Variants in SSH2 observed in about 807,000 individuals in gnomAD.
SSH2 encodes the protein protein phosphatase Slingshot homolog 2.
SSH2 carries 37 observed loss-of-function variants against 135.2 expected under a neutral mutation model. That is an observed-to-expected ratio of 0.27 (90% CI 0.21 to 0.36). The LOEUF (loss-of-function observed/expected upper bound fraction) is 0.36, where lower values mean the gene tolerates loss of function less well. SSH2 is among the 10% of genes least tolerant of loss of function. SSH2 has a pLI of 1.00. For missense variants in SSH2, 1,408 were observed against 1,765.3 expected (o/e 0.80, Z 3.63); for synonymous variants, 628 against 646.2 (o/e 0.97, Z 0.43).
intron 3 of SSH2, chr17:29,777,677 C>CTGCA (rs1413924763): frequency 6.3e-6 from 1 of 159,338 alleles, no homozygotes; most frequent in Non-Finnish European, 1.4e-5. Context: ...CTGCAAACAG[C>CTGCA]AGCCTCCTTG....
At chr17:29,783,318 T>TTATATATATA (rs372884691) in intron 3 of SSH2, among the ~76,000 whole-genome samples, 10 of 142,124 alleles carry the variant, frequency 7.0e-5, no homozygotes, top group Non-Finnish European at 1.2e-4. Flanking sequence ...ATAACATATA[T>TTATATATATA]TATATATATA....
intron 3 of SSH2, among the ~76,000 whole-genome samples, chr17:29,786,736 G>T (rs1282239642): frequency 1.3e-5 from 2 of 152,104 alleles, no homozygotes; most frequent in Non-Finnish European, 2.9e-5. Flanking sequence ...AGGATCACTT[G>T]AGCCCAGCAG....
chr17:29,703,490 G>T (rs751981522), intron 3 of SSH2, among the ~76,000 whole-genome samples: 2 of 152,068 alleles, frequency 1.3e-5, no homozygotes, highest in African/African-American at 4.8e-5. Flanking sequence ...CAAATGATCC[G>T]CCCACCTCGG....
chr17:29,830,950 A>G (rs1003655655), intron 2 of SSH2, among the ~76,000 whole-genome samples: 15 of 152,232 alleles, frequency 9.9e-5, no homozygotes, highest in Non-Finnish European at 1.6e-4. Flanking sequence ...ATGGAGGCTG[A>G]TCATAAGTCC....
chr17:29,658,506 A>G (rs1485060330), intron 11 of SSH2, among the ~76,000 whole-genome samples: 1 of 152,078 alleles, frequency 6.6e-6, no homozygotes, highest in Non-Finnish European at 1.5e-5. Flanking sequence ...TGCTTTTTCT[A>G]TTCTTTCCCA....
At chr17:29,645,425 T>C (rs1207389878) in intron 14 of SSH2, 3 of 152,188 alleles carry the variant, frequency 2.0e-5, no homozygotes, top group African/African-American at 4.8e-5. Flanking sequence ...GGGTTTATAC[T>C]GCCCTTCTTA....
rs574037326 is a variant in SSH2 at position 29,634,640 on chromosome 17, C to T, written c.2262+1328G>A. 7.9e-5 allele frequency among the ~76,000 whole-genome samples: 12 copies of T among 152,280 alleles called. No homozygotes were observed. The East Asian group carries it at 2.1e-3, about 27-fold the overall frequency. ...TGATCTCAGCTCACTGCAACCTCCA[C>T]CTCCCGGGTTCAAGCGATTCTCCTG... On this transcript the variant is annotated intron_variant, in intron 15 of 15. Coordinates refer to ENST00000540801, the MANE Select transcript of SSH2 (RefSeq NM_001282129.2).
intron 2 of SSH2, among the ~76,000 whole-genome samples, chr17:29,819,589 C>G (rs1333338952): frequency 6.6e-6 from 1 of 152,066 alleles, no homozygotes; most frequent in Non-Finnish European, 1.5e-5. Flanking sequence ...AAGACACTAA[C>G]AATAAGAAAA....
At chr17:29,843,133 A>T (rs1172143765) in intron 2 of SSH2, among the ~76,000 whole-genome samples, 5 of 152,194 alleles carry the variant, frequency 3.3e-5, no homozygotes, top group African/African-American at 1.2e-4. Flanking sequence ...GTAGGCTTAA[A>T]CACCATCCCC....
At chr17:29,693,916 C>G (rs1331632585) in intron 5 of SSH2, among the ~76,000 whole-genome samples, 1 of 152,132 alleles carries the variant, frequency 6.6e-6, no homozygotes, top group Non-Finnish European at 1.5e-5. Flanking sequence ...CCACGGCATT[C>G]TTTGGCTCAA....
chr17:29,772,102 G>A (rs1486543993), intron 3 of SSH2, among the ~76,000 whole-genome samples: 5 of 96,798 alleles, frequency 5.2e-5, no homozygotes, highest in African/African-American at 3.1e-4. Flanking sequence ...ACTGAGAAAA[G>A]ATGTGGTTTT....
intron 1 of SSH2, among the ~76,000 whole-genome samples, chr17:29,884,458 T>G (rs749241170): frequency 6.6e-6 from 1 of 152,216 alleles, no homozygotes; most frequent in East Asian, 1.9e-4. Flanking sequence ...GGGCATTCCT[T>G]GAGTGATGTC....
Position 29,735,589 on chromosome 17 carries a change from A to C in SSH2, c.189-32527T>G, listed in dbSNP as rs149997004. 1.3e-3 allele frequency among the ~76,000 whole-genome samples: 199 copies of C among 151,338 alleles called. 1 individual carries two copies. Among genetic ancestry groups the C allele is most frequent in the Admixed American group, 1.3e-3 (20 of 15,148 alleles). On this transcript the variant is annotated intron_variant, in intron 3 of 15. Coordinates refer to ENST00000540801, the MANE Select transcript of SSH2 (RefSeq NM_001282129.2). ...GTGCATGCCAGTAATCCCGCTACTT[A>C]GGAGGCTTGAGACAGGAGAATCACT...
At chr17:29,759,398 T>C (rs1201122610) in intron 3 of SSH2, among the ~76,000 whole-genome samples, 1 of 152,216 alleles carries the variant, frequency 6.6e-6, no homozygotes. Flanking sequence ...TTTTTGCTAT[T>C]ACTTTTACTG....
Position 29,630,993 on chromosome 17 carries a change from C to T in SSH2, c.4201G>A (p.Val1401Met), listed in dbSNP as rs761793558. Residue 1401 changes from valine to methionine, a missense_variant, in exon 16 of 16, where the codon GTG (valine) becomes ATG (methionine). Physicochemically the swap from Val to Met is conservative, Grantham distance 21. Around this residue, in one of 3 missense-constraint regions of SSH2, gnomAD observed 1,080 missense variants for 1,144.5 expected, o/e 0.94. Coordinates refer to ENST00000540801, the MANE Select transcript of SSH2 (RefSeq NM_001282129.2). The part of the protein sequence containing the change: ...ELTSSEGGLP[V>M]LQTQGLQCAC... ...CACTGCAGTCCCTGGGTCTGTAGCA[C>T]GGGAAGGCCTCCTTCAGAACTAGTC... is the stretch of plus-strand genomic sequence containing the variant. The T allele has an allele frequency of 1.4e-5, 22 of 1,613,758 alleles. No individual in the cohort carries two copies. Among genetic ancestry groups the T allele is most frequent in the African/African-American group, 9.3e-5 (7 of 74,918 alleles).
chr17:29,676,947 G>C (rs2037747787), intron 7 of SSH2, 62 bp from the exon 8 acceptor site: 23 of 1,395,696 alleles, frequency 1.6e-5, no homozygotes, highest in Non-Finnish European at 2.3e-5. Flanking sequence ...TGAATTGTGA[G>C]TTTTCATGGA....
rs546088909 is a variant in SSH2 at position 29,929,844 on chromosome 17, C to A, written c.63+94G>T. 932 of 1,224,036 alleles carry A rather than the reference C, an allele frequency of 7.6e-4. 1 individual carries two copies. Among genetic ancestry groups the A allele is most frequent in the Non-Finnish European group, 9.7e-4 (847 of 869,234 alleles). 75.8% of individuals were successfully genotyped at this position (1,224,036 alleles called of 1,614,324 possible). A position where few individuals can be genotyped will look rare whatever the true frequency, so the allele number is the denominator to read the frequency against. On this transcript the variant is annotated intron_variant, in intron 1 of 15. Coordinates refer to ENST00000540801, the MANE Select transcript of SSH2 (RefSeq NM_001282129.2). Reference sequence around the variant, plus strand: ...GAGTGCCAAGGCCTGGGAAGCGGCGCGGCGCGTGCGCAGTGGCGTTCGGCG... The same window carrying A: ...GAGTGCCAAGGCCTGGGAAGCGGCGAGGCGCGTGCGCAGTGGCGTTCGGCG...
At chr17:29,680,459 G>A (rs2037926156) in intron 6 of SSH2, among the ~76,000 whole-genome samples, 1 of 142,210 alleles carries the variant, frequency 7.0e-6, no homozygotes, top group South Asian at 2.3e-4. Flanking sequence ...GCTGAGGCAG[G>A]AGAATCACTT....
At chr17:29,634,054 G>T (rs755877100) in intron 15 of SSH2, among the ~76,000 whole-genome samples, 1 of 152,140 alleles carries the variant, frequency 6.6e-6, no homozygotes, top group Non-Finnish European at 1.5e-5. Context: ...ATATGACCAG[G>T]GACTTTGCAG....
Sources: gnomAD v4.1 joint callset for allele counts (sites outside exome capture counted in the v4.1 genomes callset) on GRCh38, gnomAD v4.1.1 for gene constraint, gnomAD v4.1.1 regional missense constraint, MANE v1.5 for transcripts, NCBI Gene and HGNC (gene_info 2026-07-23, HGNC 2026-07-21) for gene names.